Variants in AFAP1L2 observed in about 807,000 individuals in gnomAD.
The protein encoded by AFAP1L2 is actin filament associated protein 1 like 2.
In AFAP1L2, 46 loss-of-function variants were observed where a neutral mutation model predicts 99.3. That is an observed-to-expected ratio of 0.46 (90% confidence interval 0.37 to 0.59). The LOEUF is 0.59. AFAP1L2 is among the 20% of genes least tolerant of loss of function. The pLI is 0.00. For missense variants in AFAP1L2, 959 were observed against 1,034.9 expected, an observed-to-expected ratio of 0.93 and a Z score of 1.01; for synonymous variants, 397 against 419.1, an observed-to-expected ratio of 0.95 and a Z score of 0.64.
chr10:114,293,423 C>T (rs1181374932), downstream of AFAP1L2, among the ~76,000 whole-genome samples: 2 of 152,166 alleles, frequency 1.3e-5, no homozygotes, highest in East Asian at 3.8e-4. Context: ...TGTGGGCTCT[C>T]GACTTACATA....
intron 1 of AFAP1L2, among the ~76,000 whole-genome samples, chr10:114,345,198 A>T (rs759846058): frequency 8.3e-6 from 1 of 120,434 alleles, no homozygotes; most frequent in Non-Finnish European, 1.7e-5. Context: ...GGCTCTGTGT[A>T]TCGGGGGAAC....
At chr10:114,304,389 A>G (rs1466061855) in intron 11 of AFAP1L2, among the ~76,000 whole-genome samples, 1 of 152,172 alleles carries the variant, frequency 6.6e-6, no homozygotes, top group Non-Finnish European at 1.5e-5. Context: ...TACTGGGCCT[A>G]GAGGCTCTCC....
chr10:114,293,260 C>G (rs1396293313), downstream of AFAP1L2, among the ~76,000 whole-genome samples: 1 of 152,210 alleles, frequency 6.6e-6, no homozygotes, highest in East Asian at 1.9e-4. Context: ...ATCACATGCT[C>G]CCTAGCAGAT....
Position 114,297,160 on chromosome 10 carries a change from C to T in AFAP1L2, c.2307+60G>A, listed in dbSNP as rs372192618. The T allele has an allele frequency of 3.1e-5, 50 of 1,607,690 alleles. 1 individual carries two copies. In the African/African-American group the frequency reaches 3.7e-4, roughly 12 times the overall value. On this transcript the variant is annotated intron_variant, in intron 17 of 18. Transcript: ENST00000304129. Reference sequence around the variant, plus strand: ...AGGGGAGGGAGATGTGACCCACCCACCCCAACCCATGTCCAGGGAGCCCTG... The same window carrying T: ...AGGGGAGGGAGATGTGACCCACCCATCCCAACCCATGTCCAGGGAGCCCTG...
At chr10:114,285,075 T>C in the AFAP1L2 span, 1 of 867,796 alleles carries the variant, frequency 1.2e-6, no homozygotes, top group South Asian at 2.0e-5. Flanking sequence ...AAACTGGCCC[T>C]TGAACCATCT....
intron 1 of AFAP1L2, among the ~76,000 whole-genome samples, chr10:114,365,671 G>A (rs893739895): frequency 3.3e-5 from 5 of 151,800 alleles, no homozygotes; most frequent in African/African-American, 1.2e-4. Context: ...TGGATCTAAG[G>A]GGAAGCCTTT....
chr10:114,349,477 T>A (rs2050126248), intron 1 of AFAP1L2, among the ~76,000 whole-genome samples: 2 of 146,896 alleles, frequency 1.4e-5, no homozygotes, highest in South Asian at 4.3e-4. Context: ...TAGTCCCAGC[T>A]ACCCTGGAGG....
the AFAP1L2 span, among the ~76,000 whole-genome samples, chr10:114,283,684 A>T: frequency 6.6e-6 from 1 of 152,198 alleles, no homozygotes; most frequent in Non-Finnish European, 1.5e-5. Flanking sequence ...GTTCCTACCT[A>T]AGGTTGTGAC....
At chr10:114,363,229 T>C (rs1452491251) in intron 1 of AFAP1L2, 1 of 954,796 alleles carries the variant, frequency 1.0e-6, no homozygotes, top group Non-Finnish European at 1.2e-6. Context: ...AAATTCCAAG[T>C]TGCATCTCTT....
Position 114,304,769 on chromosome 10 carries a change from G to A in AFAP1L2, c.1234C>T (p.Leu412Phe), listed in dbSNP as rs73365341. The change falls in exon 11 of 19, where the codon CTC (leucine) becomes TTC (phenylalanine). Residue 412 changes from leucine to phenylalanine, a missense_variant. Around this residue, in one of 2 missense-constraint regions of AFAP1L2, gnomAD observed 576 missense variants for 562.1 expected, o/e 1.02. Coordinates refer to ENST00000304129, the MANE Select transcript of AFAP1L2 (RefSeq NM_001001936.3). ...TTGTGGAGGATGCGGAAGGAGTAGA[G>A]GTGGTCGGGGCTGGGGTCTGGGACC... ...EVVPDPSPDH[L>F]YSFRILHKGE... is the part of the protein sequence containing the mutation. The A allele has an allele frequency of 0.034, 54,078 of 1,612,666 alleles. 4,681 individuals are homozygous for A. The African/African-American group carries it at 0.34, about 10-fold the overall frequency.
At chr10:114,353,951 T>G (rs1415514327) in intron 1 of AFAP1L2, among the ~76,000 whole-genome samples, 1 of 152,136 alleles carries the variant, frequency 6.6e-6, no homozygotes, top group Admixed American at 6.6e-5. Flanking sequence ...GACCTTCACT[T>G]ATTCCAGGGA....
intron 10 of AFAP1L2, among the ~76,000 whole-genome samples, chr10:114,305,383 G>A (rs1354694593): frequency 6.9e-6 from 1 of 144,530 alleles, no homozygotes; most frequent in African/African-American, 2.6e-5. Flanking sequence ...AGGAGAGAGC[G>A]GGGCTGCAGG....
chr10:114,293,250 A>G (rs1380020100), downstream of AFAP1L2, among the ~76,000 whole-genome samples: 1 of 152,226 alleles, frequency 6.6e-6, no homozygotes, highest in African/African-American at 2.4e-5. Flanking sequence ...CCGGGGCAGG[A>G]TCACATGCTC....
At chr10:114,404,085 G>A (rs898580530) in intron 1 of AFAP1L2, among the ~76,000 whole-genome samples, 2 of 152,194 alleles carry the variant, frequency 1.3e-5, no homozygotes, top group Admixed American at 1.3e-4. Flanking sequence ...CACCTTCTTC[G>A]GGGCTTCCTC....
In AFAP1L2 at chr10:114,295,046, GGAAA is replaced by G; in HGVS notation, c.*992_*995del. On this transcript the variant is annotated 3_prime_UTR_variant, in exon 19 of 19. Coordinates refer to ENST00000304129, the MANE Select transcript of AFAP1L2 (RefSeq NM_001001936.3). Reference sequence around the variant, plus strand: ...AAAAAAAAAAAAAAATGCCATCAGAGGAAAAGACAGGGGCAGCACAAGGAACAGC... The same window carrying G: ...AAAAAAAAAAAAAAATGCCATCAGAGAGACAGGGGCAGCACAAGGAACAGC... 1 of 981,222 alleles carries G rather than the reference GGAAA, an allele frequency of 1.0e-6. No individual in the cohort carries two copies. The highest frequency in any genetic ancestry group is 1.8e-5 in the African/African-American group (1 of 56,198). The allele number at this position is 981,222 out of a possible 1,614,324, so 60.8% of individuals were successfully genotyped here.
At chr10:114,398,363 G>C (rs181611179) in intron 1 of AFAP1L2, among the ~76,000 whole-genome samples, 110 of 152,318 alleles carry the variant, frequency 7.2e-4, no homozygotes, top group Non-Finnish European at 1.3e-3. Context: ...TCTCTGAGAA[G>C]CTAGGATGCC....
intron 11 of AFAP1L2, among the ~76,000 whole-genome samples, chr10:114,302,777 T>C (rs987599218): frequency 2.0e-5 from 3 of 152,222 alleles, no homozygotes; most frequent in African/African-American, 4.8e-5. Flanking sequence ...TGAAAACTTA[T>C]CACCAGGTGG....
intron 1 of AFAP1L2, among the ~76,000 whole-genome samples, chr10:114,379,366 C>A (rs1393841284): frequency 6.6e-6 from 1 of 152,100 alleles, no homozygotes; most frequent in Admixed American, 6.6e-5. Flanking sequence ...GCTCCTCCCC[C>A]ACAGTGATGT....
chr10:114,333,347 C>T (rs1048639600), intron 2 of AFAP1L2, 52 bp from the exon 3 acceptor site: 1 of 1,462,524 alleles, frequency 6.8e-7, no homozygotes, highest in Non-Finnish European at 9.6e-7. Flanking sequence ...AGAGAAAGGG[C>T]CTCCAGCTAG....
Sources: allele counts gnomAD v4.1 joint callset (sites outside exome capture counted in the v4.1 genomes callset), GRCh38; gene constraint gnomAD v4.1.1; regional missense constraint gnomAD v4.1.1; transcripts MANE v1.5; gene names NCBI Gene and HGNC (gene_info 2026-07-23, HGNC 2026-07-21).